UBA6: variants seen among roughly 807,000 people sequenced by gnomAD.
The protein encoded by UBA6 is ubiquitin-like modifier-activating enzyme 6.
UBA6 carries 87 observed loss-of-function variants against 148.3 expected under a neutral mutation model. That is an observed-to-expected ratio of 0.59 (90% CI 0.49 to 0.70). The LOEUF is 0.70. Among genes scored for constraint, UBA6 ranks in the 30% least tolerant of loss-of-function variants. The pLI is 0.00. For missense variants in UBA6, 1,186 were observed against 1,241.2 expected, an observed-to-expected ratio of 0.96 and a Z score of 0.67; for synonymous variants, 376 against 401.0, an observed-to-expected ratio of 0.94 and a Z score of 0.75.
At chr4:67,681,001 G>A (rs892221909) in intron 4 of UBA6, among the ~76,000 whole-genome samples, 1 of 152,134 alleles carries the variant, frequency 6.6e-6, no homozygotes, top group Non-Finnish European at 1.5e-5. Context: ...GATGACTGCA[G>A]GCCCTGCTAA....
At chr4:67,678,215 G>A (rs1730337006) in intron 5 of UBA6, among the ~76,000 whole-genome samples, 2 of 140,362 alleles carry the variant, frequency 1.4e-5, no homozygotes, top group African/African-American at 2.6e-5. Context: ...AGGAATTTAT[G>A]GTGATCAATT....
chr4:67,695,684 T>A (rs1178741052), intron 2 of UBA6, among the ~76,000 whole-genome samples: 1 of 152,208 alleles, frequency 6.6e-6, no homozygotes, highest in Non-Finnish European at 1.5e-5. Context: ...ATGTACTAAT[T>A]CAGTTAACCC....
At chr4:67,634,198 TGACACA>T in intron 22 of UBA6, 38 bp downstream of exon 22, 1 of 1,333,478 alleles carries the variant, frequency 7.5e-7, no homozygotes, top group East Asian at 2.4e-5. Flanking sequence ...AAGATTACAC[TGACACA>T]AAGTGTTAAG....
At chr4:67,696,610 G>T in intron 2 of UBA6, 35 bp downstream of exon 2, 2 of 1,519,572 alleles carry the variant, frequency 1.3e-6, no homozygotes, top group East Asian at 2.3e-5. Context: ...ACAATTAATG[G>T]GGAAAATAAG....
intron 16 of UBA6, among the ~76,000 whole-genome samples, chr4:67,645,121 C>T (rs1286878193): frequency 1.3e-5 from 2 of 152,004 alleles, no homozygotes; most frequent in East Asian, 1.9e-4. Context: ...ATTGATAATA[C>T]TAGATTCCAT....
intron 19 of UBA6, among the ~76,000 whole-genome samples, chr4:67,636,698 A>G (rs886484317): frequency 2.6e-5 from 4 of 152,168 alleles, no homozygotes; most frequent in African/African-American, 4.8e-5. Flanking sequence ...TCAGTGCTCA[A>G]TGTTGCCCAG....
chr4:67,694,606 C>A (rs1730787973), intron 2 of UBA6, among the ~76,000 whole-genome samples: 1 of 152,018 alleles, frequency 6.6e-6, no homozygotes, highest in Non-Finnish European at 1.5e-5. Context: ...ACTGTGTTAG[C>A]CAGGATGGTC....
intron 32 of UBA6, among the ~76,000 whole-genome samples, chr4:67,622,625 T>G (rs1385548273): frequency 6.6e-6 from 1 of 152,194 alleles, no homozygotes; most frequent in African/African-American, 2.4e-5. Context: ...CCAAATCAGG[T>G]TTCTAAACCT....
chr4:67,659,409 G>GT (rs1729784197), intron 13 of UBA6, among the ~76,000 whole-genome samples: 1 of 152,064 alleles, frequency 6.6e-6, no homozygotes, highest in Admixed American at 6.6e-5. Context: ...TCTGATGATA[G>GT]TGAGTTTCAC....
At chr4:67,692,004 A>C (rs1730704794) in intron 2 of UBA6, among the ~76,000 whole-genome samples, 1 of 152,238 alleles carries the variant, frequency 6.6e-6, no homozygotes. Flanking sequence ...GGTAAAGGAT[A>C]TAAAGCTGTA....
rs896551786 is a variant in UBA6 at position 67,682,165 on chromosome 4, C to T, written c.183G>A (p.Lys61=). 6.2e-7 allele frequency: 1 copy of T among 1,613,840 alleles called. No homozygotes were observed. Among genetic ancestry groups the T allele is most frequent in the Non-Finnish European group, 8.5e-7 (1 of 1,179,912 alleles). ...CCATCCCACTTAAGAAAACATGGGA[C>T]TTGGCCATCTTCTGCATTGCTGTGT... The part of the protein sequence containing the change: ...LGDTAMQKMA[K]SHVFLSGMGG... Residue 61 remains lysine, a synonymous_variant, in exon 3 of 33, where the codon AAG becomes AAA. Coordinates refer to ENST00000322244, the MANE Select transcript of UBA6 (RefSeq NM_018227.6).
intron 31 of UBA6, 55 bp from the exon 32 acceptor site, chr4:67,622,980 G>T: frequency 2.0e-6 from 3 of 1,465,080 alleles, no homozygotes; most frequent in Non-Finnish European, 2.8e-6. Flanking sequence ...AACATAAAAT[G>T]CTTATTTAAC....
chr4:67,643,472 C>T (rs978190111), intron 17 of UBA6, among the ~76,000 whole-genome samples: 1 of 151,940 alleles, frequency 6.6e-6, no homozygotes, highest in African/African-American at 2.4e-5. Flanking sequence ...ATTCCGTTCT[C>T]TGCTTTAAGT....
rs144549862 is a variant in UBA6, at chr4:67,666,263, A to T, written c.794-971T>A. 7.2e-5 allele frequency among the ~76,000 whole-genome samples: 11 copies of T among 152,140 alleles called. No homozygotes were observed. In the East Asian group the frequency reaches 2.1e-3, roughly 29 times the overall value. On this transcript the variant is annotated intron_variant, in intron 9 of 32. Transcript: ENST00000322244. ...GACATATTAGGTAGCTATAAAAGAAAATGTTTCTCATTTCTAAACCATTTG... is the reference window on the plus strand; with the variant it reads ...GACATATTAGGTAGCTATAAAAGAATATGTTTCTCATTTCTAAACCATTTG...
intron 1 of UBA6, 82 bp downstream of exon 1, chr4:67,700,967 G>A: frequency 6.4e-7 from 1 of 1,568,260 alleles, no homozygotes; most frequent in African/African-American, 1.4e-5. Context: ...GGCGCCCCCA[G>A]CCCGCCGGAA....
chr4:67,620,208 T>C (rs754555130), intron 32 of UBA6, among the ~76,000 whole-genome samples: 2 of 152,200 alleles, frequency 1.3e-5, no homozygotes, highest in Non-Finnish European at 2.9e-5. Flanking sequence ...ACTCTTAATT[T>C]ATCCAAGATA....
At chr4:67,672,286 A>C (rs1341768852) in intron 7 of UBA6, among the ~76,000 whole-genome samples, 1 of 152,250 alleles carries the variant, frequency 6.6e-6, no homozygotes. Context: ...AATCACAAGA[A>C]TATACATATT....
At chr4:67,675,131 AG>A (rs1443912134) in intron 6 of UBA6, among the ~76,000 whole-genome samples, 1 of 152,142 alleles carries the variant, frequency 6.6e-6, no homozygotes, top group Non-Finnish European at 1.5e-5. Context: ...TGACTTCCAA[AG>A]TGCTGGGATA....
At chr4:67,655,237 A>T (rs542317372) in intron 13 of UBA6, among the ~76,000 whole-genome samples, 3 of 152,184 alleles carry the variant, frequency 2.0e-5, no homozygotes, top group Non-Finnish European at 4.4e-5. Flanking sequence ...CAAAATATAC[A>T]TTCTTCTCAG....
Sources: gnomAD v4.1 joint callset for allele counts (sites outside exome capture counted in the v4.1 genomes callset) on GRCh38, gnomAD v4.1.1 for gene constraint, MANE v1.5 for transcripts, NCBI Gene and HGNC (gene_info 2026-07-23, HGNC 2026-07-21) for gene names.